The following FBXO21 variants were observed in gnomAD, a reference collection of about 807,000 sequenced individuals.
FBXO21 encodes the protein F-box protein 21.
In FBXO21, 32 loss-of-function variants were observed where a neutral mutation model predicts 76.6. The observed-to-expected ratio is 0.42, with a 90% confidence interval of 0.32 to 0.56. The LOEUF is 0.56. FBXO21 is among the 20% of genes least tolerant of loss of function. FBXO21 has a pLI of 0.16. For missense variants in FBXO21, 586 were observed against 797.3 expected (o/e 0.73, Z 3.19); for synonymous variants, 328 against 311.5 (o/e 1.05, Z -0.56).
intron 9 of FBXO21, among the ~76,000 whole-genome samples, chr12:117,163,874 G>A (rs1247567424): frequency 6.6e-6 from 1 of 152,056 alleles, no homozygotes; most frequent in African/African-American, 2.4e-5. Context: ...AACCTGGAAG[G>A]GAGAGGCTGC....
intron 1 of FBXO21, among the ~76,000 whole-genome samples, chr12:117,189,988 G>A (rs539684381): frequency 6.6e-6 from 1 of 152,126 alleles, no homozygotes; most frequent in Non-Finnish European, 1.5e-5. Context: ...CCTTGACGGA[G>A]GACCCGGCTG....
intron 10 of FBXO21, among the ~76,000 whole-genome samples, chr12:117,157,493 G>A (rs1203205480): frequency 6.6e-6 from 1 of 152,156 alleles, no homozygotes; most frequent in African/African-American, 2.4e-5. Context: ...TAGACCAAGT[G>A]CCTATCGGAT....
At chr12:117,180,944 T>C (rs906272591) in intron 3 of FBXO21, among the ~76,000 whole-genome samples, 2 of 152,192 alleles carry the variant, frequency 1.3e-5, no homozygotes, top group African/African-American at 4.8e-5. Flanking sequence ...CAGCTAAATA[T>C]TTTGCATATG....
rs1193250811 is a variant in FBXO21, at chr12:117,146,089, A to G, written c.1864T>C (p.Ter622GlnextTer48). The G allele has an allele frequency of 6.3e-7, 1 of 1,590,742 alleles. No individual in the cohort carries two copies. Among genetic ancestry groups the G allele is most frequent in the Non-Finnish European group, 8.5e-7 (1 of 1,170,734 alleles). ...YSAKKENIDE[*>Q] is the part of the protein sequence containing the mutation. ...AGGTGCAATGTCCTCTCTAGACTTT[A>G]CTCATCTATGTTCTCTTTCTTTGCA... Residue 622 changes from the stop codon to glutamine, a stop_lost, in exon 12 of 12, where the codon TAA becomes CAA. Coordinates refer to ENST00000622495, the MANE Select transcript of FBXO21 (RefSeq NM_015002.3).
chr12:117,173,869 C>G (rs1956143726), intron 6 of FBXO21, among the ~76,000 whole-genome samples: 1 of 152,120 alleles, frequency 6.6e-6, no homozygotes, highest in Non-Finnish European at 1.5e-5. Context: ...ATAGGATGGG[C>G]ACAGTGGCTC....
chr12:117,146,331 A>C, intron 11 of FBXO21, 54 bp from the exon 12 acceptor site: 1 of 1,466,078 alleles, frequency 6.8e-7, no homozygotes, highest in Non-Finnish European at 9.3e-7. Flanking sequence ...TTGCTGCCAC[A>C]CCTTTCATCC....
chr12:117,187,790 C>T (rs988948219), intron 2 of FBXO21, among the ~76,000 whole-genome samples: 3 of 152,216 alleles, frequency 2.0e-5, no homozygotes, highest in African/African-American at 7.2e-5. Context: ...CTGCACCAAA[C>T]ATAGCTAGTA....
At chr12:117,171,309 G>C (rs1006400093) in intron 7 of FBXO21, among the ~76,000 whole-genome samples, 9 of 130,288 alleles carry the variant, frequency 6.9e-5, no homozygotes, top group Non-Finnish European at 1.2e-4. Flanking sequence ...AGTAAGCCAA[G>C]ATTGCGCCAA....
chr12:117,187,134 G>A (rs1592899995), intron 2 of FBXO21, among the ~76,000 whole-genome samples: 1 of 150,166 alleles, frequency 6.7e-6, no homozygotes, highest in Admixed American at 6.7e-5. Flanking sequence ...ATAAAAAGGC[G>A]GCGGCGGCAG....
At chr12:117,174,955 A>G (rs1956159056) in intron 4 of FBXO21, among the ~76,000 whole-genome samples, 158 bp from the exon 5 acceptor site, 1 of 152,210 alleles carries the variant, frequency 6.6e-6, no homozygotes, top group African/African-American at 2.4e-5. Flanking sequence ...CACACTGAGA[A>G]GGAGCAACAA....
At chr12:117,165,763 T>A (rs915908367) in intron 8 of FBXO21, 146 bp from the exon 9 acceptor site, 23 of 724,298 alleles carry the variant, frequency 3.2e-5, no homozygotes, top group Non-Finnish European at 4.2e-5. Flanking sequence ...AACGAAGAGA[T>A]ACAATGCTCT....
Position 117,189,350 on chromosome 12 carries a change from A to G in FBXO21, c.252T>C (p.Leu84=), listed in dbSNP as rs953487632. ...KEQFRVRWPS[L]MKHYSPTDYV... is the part of the protein sequence containing the mutation. ...AGTCGGTGGGGCTGTAGTGTTTCATAAGGGAAGGCCACCTACGAGGAGAGA... is the reference window on the plus strand; with the variant it reads ...AGTCGGTGGGGCTGTAGTGTTTCATGAGGGAAGGCCACCTACGAGGAGAGA... Residue 84 remains leucine (L), a synonymous_variant, in exon 2 of 12, where the codon CTT becomes CTC. Coordinates refer to ENST00000622495, the MANE Select transcript of FBXO21 (RefSeq NM_015002.3). The G allele has an allele frequency of 6.2e-7, 1 of 1,614,112 alleles. No homozygotes were observed. The highest frequency in any genetic ancestry group is 8.5e-7 in the Non-Finnish European group (1 of 1,180,028).
intron 7 of FBXO21, among the ~76,000 whole-genome samples, chr12:117,170,136 T>C (rs1371807422): frequency 6.8e-6 from 1 of 147,028 alleles, no homozygotes; most frequent in Non-Finnish European, 1.5e-5. Flanking sequence ...AAAATTACCA[T>C]TTACAACTGA....
chr12:117,164,464 T>C (rs1311635213), intron 9 of FBXO21, among the ~76,000 whole-genome samples: 2 of 152,010 alleles, frequency 1.3e-5, no homozygotes, highest in African/African-American at 2.4e-5. Context: ...TTAGTAGAGA[T>C]GGGATTTCAC....
At chr12:117,173,063 C>T (rs149727330) in intron 6 of FBXO21, among the ~76,000 whole-genome samples, 3,422 of 149,390 alleles carry the variant, frequency 0.023, 144 homozygotes, top group African/African-American at 0.079. Flanking sequence ...GAGATGGAGT[C>T]CCGCTCTGTT....
At chr12:117,176,197 AG>A (rs1956172362) in intron 4 of FBXO21, among the ~76,000 whole-genome samples, 1 of 152,266 alleles carries the variant, frequency 6.6e-6, no homozygotes, top group African/African-American at 2.4e-5. Flanking sequence ...CACAGGAAAC[AG>A]AAAAAATGCA....
intron 11 of FBXO21, among the ~76,000 whole-genome samples, chr12:117,149,528 A>G (rs1176736974): frequency 6.6e-6 from 1 of 152,176 alleles, no homozygotes; most frequent in Non-Finnish European, 1.5e-5. Flanking sequence ...TTTGCTACTA[A>G]AGGGACATCT....
intron 11 of FBXO21, among the ~76,000 whole-genome samples, chr12:117,151,083 C>T (rs950473036): frequency 1.3e-5 from 2 of 151,658 alleles, no homozygotes; most frequent in Non-Finnish European, 2.9e-5. Context: ...CAACGTTTGT[C>T]GAGGACATGC....
chr12:117,151,809 AAC>A (rs1356010003), intron 11 of FBXO21, among the ~76,000 whole-genome samples: 1 of 152,208 alleles, frequency 6.6e-6, no homozygotes, highest in Non-Finnish European at 1.5e-5. Flanking sequence ...TAGAGAGAAT[AAC>A]AGTGGTGGAA....
Sources: allele counts gnomAD v4.1 joint callset (sites outside exome capture counted in the v4.1 genomes callset), GRCh38; gene constraint gnomAD v4.1.1; transcripts MANE v1.5; gene names NCBI Gene and HGNC (gene_info 2026-07-23, HGNC 2026-07-21).